Variants in TRIM2 observed in about 807,000 individuals in gnomAD.
The protein encoded by TRIM2 is tripartite motif-containing protein 2.
TRIM2 carries 20 observed loss-of-function variants against 75.2 expected under a neutral mutation model. The ratio of observed to expected loss-of-function variants is 0.27; its 90% CI spans 0.19 to 0.39. TRIM2 has a LOEUF of 0.39. Among genes scored for constraint, TRIM2 ranks in the 10% least tolerant of loss-of-function variants. The pLI is 1.00. For missense variants in TRIM2, 660 were observed against 990.8 expected (o/e 0.67, Z 4.48); for synonymous variants, 373 against 388.3 (o/e 0.96, Z 0.46).
At chr4:153,269,036 C>T (rs1755977822) in intron 1 of TRIM2, among the ~76,000 whole-genome samples, 3 of 152,156 alleles carry the variant, frequency 2.0e-5, no homozygotes. Context: ...AATTTTCACC[C>T]CCATGCATAT....
intron 1 of TRIM2, among the ~76,000 whole-genome samples, chr4:153,253,166 A>G (rs978894968): frequency 5.3e-5 from 8 of 152,148 alleles, no homozygotes; most frequent in Non-Finnish European, 1.2e-4. Flanking sequence ...GCTGAGTTCT[A>G]AAGGAGCGCA....
intron 1 of TRIM2, among the ~76,000 whole-genome samples, chr4:153,236,142 A>G (rs1328214477): frequency 6.6e-6 from 1 of 152,006 alleles, no homozygotes; most frequent in East Asian, 1.9e-4. Context: ...GCCTTCTGCC[A>G]TGATTGTAAG....
rs1452282135 is a variant in TRIM2 at position 153,244,423 on chromosome 4, CTTCTTCTTCTTCTTTTA to C, written c.31-25911_31-25895del. 5.2e-3 allele frequency among the ~76,000 whole-genome samples: 523 copies of C among 100,988 alleles called. 78 individuals carry two copies. The highest frequency in any genetic ancestry group is 0.015 in the African/African-American group (353 of 24,100). The allele number at this position is 100,988 out of a possible 152,430, so 66.3% of individuals were successfully genotyped here. On this transcript the variant is annotated intron_variant, in intron 1 of 11. Coordinates refer to ENST00000338700, the MANE Select transcript of TRIM2 (RefSeq NM_015271.5). Reference sequence around the variant, plus strand: ...TCTTCTTCTTCTTCTTCTTCTTCTTCTTCTTCTTCTTCTTTTAATTAGAGAGGAGGCCTCACTATGTT... The same window carrying C: ...TCTTCTTCTTCTTCTTCTTCTTCTTCATTAGAGAGGAGGCCTCACTATGTT...
chr4:153,324,034 C>T (rs768233020), intron 9 of TRIM2, 44 bp from the exon 10 acceptor site: 2 of 1,515,220 alleles, frequency 1.3e-6, no homozygotes, highest in Admixed American at 1.7e-5. Flanking sequence ...TATGTAATCA[C>T]TTTTGTTGTA....
At chr4:153,184,003 C>T (rs1446411485) in intron 1 of TRIM2, among the ~76,000 whole-genome samples, 1 of 152,134 alleles carries the variant, frequency 6.6e-6, no homozygotes, top group Non-Finnish European at 1.5e-5. Context: ...AAAGGTGAAG[C>T]ATGTAGCACT....
chr4:153,238,105 G>A (rs141216113), intron 1 of TRIM2, among the ~76,000 whole-genome samples: 35 of 152,294 alleles, frequency 2.3e-4, no homozygotes, highest in Non-Finnish European at 4.4e-4. Context: ...GGGCCTTCTT[G>A]TTTATTTGTC....
intron 3 of TRIM2, among the ~76,000 whole-genome samples, chr4:153,288,117 A>G (rs1050176288): frequency 5.3e-5 from 8 of 151,806 alleles, no homozygotes; most frequent in Non-Finnish European, 1.0e-4. Context: ...TCTGGCCTCT[A>G]TAGTTTCTGA....
chr4:153,190,420 A>G (rs1184195556), intron 1 of TRIM2, among the ~76,000 whole-genome samples: 3 of 152,372 alleles, frequency 2.0e-5, no homozygotes, highest in Admixed American at 6.5e-5. Flanking sequence ...AGTGCATTTT[A>G]TGATTTATCT....
intron 1 of TRIM2, among the ~76,000 whole-genome samples, chr4:153,231,120 G>A (rs1288032981): frequency 6.6e-6 from 1 of 152,152 alleles, no homozygotes; most frequent in Non-Finnish European, 1.5e-5. Flanking sequence ...ATGATAAATG[G>A]ATACAAGAAT....
rs1202380417 is a variant in TRIM2 at position 153,337,351 on chromosome 4, A to G, written c.*2385A>G. On this transcript the variant is annotated 3_prime_UTR_variant, in exon 12 of 12. Coordinates refer to ENST00000338700, the MANE Select transcript of TRIM2 (RefSeq NM_015271.5). ...CTAACCAGCCATCATATCATATCCT[A>G]TCAGGCTAGATATCTCAATAGTAGA... The G allele has an allele frequency of 3.0e-6, 3 of 985,726 alleles. No individual in the cohort carries two copies. The highest frequency in any genetic ancestry group is 3.6e-6 in the Non-Finnish European group (3 of 829,934). 61.1% of individuals were successfully genotyped at this position (985,726 alleles called of 1,614,324 possible).
At chr4:153,227,105 T>C (rs7685161) in intron 1 of TRIM2, among the ~76,000 whole-genome samples, 24,276 of 152,142 alleles carry the variant, frequency 0.16, 3,012 homozygotes, top group African/African-American at 0.35. Context: ...GCTCTGGCTG[T>C]GGTAGAACCC....
intron 1 of TRIM2, among the ~76,000 whole-genome samples, chr4:153,221,414 C>G (rs1166100324): frequency 3.3e-5 from 5 of 152,086 alleles, no homozygotes; most frequent in African/African-American, 1.2e-4. Flanking sequence ...GACAACAGAA[C>G]GAGACCCTGT....
At chr4:153,324,899 CT>C (rs1769823949) in intron 10 of TRIM2, among the ~76,000 whole-genome samples, 1 of 152,070 alleles carries the variant, frequency 6.6e-6, no homozygotes, top group African/African-American at 2.4e-5. Context: ...TTAGGGCTAC[CT>C]TTTGTTTACA....
intron 6 of TRIM2, among the ~76,000 whole-genome samples, chr4:153,303,933 AT>A (rs1177226971): frequency 1.5e-4 from 23 of 152,136 alleles, no homozygotes; most frequent in Admixed American, 1.5e-3. Context: ...GGTCATCCTT[AT>A]AAAAGACGAT....
intron 10 of TRIM2, among the ~76,000 whole-genome samples, chr4:153,324,975 A>T (rs1340340453): frequency 6.6e-6 from 1 of 152,236 alleles, no homozygotes; most frequent in Non-Finnish European, 1.5e-5. Context: ...ATTAATCTAA[A>T]TTTTAAAAGG....
intron 1 of TRIM2, among the ~76,000 whole-genome samples, chr4:153,173,148 C>T (rs912901769): frequency 1.3e-5 from 2 of 152,136 alleles, no homozygotes; most frequent in Non-Finnish European, 2.9e-5. Flanking sequence ...CTTGTGCCAT[C>T]GCACACTCAA....
Position 153,281,255 on chromosome 4 carries a change from C to T in TRIM2, c.453+5125C>T, listed in dbSNP as rs143675750. Among the ~76,000 whole-genome samples, 482 of 152,284 alleles carry T rather than the reference C, an allele frequency of 3.2e-3. 2 individuals are homozygous for T. Among genetic ancestry groups the T allele is most frequent in the African/African-American group, 9.6e-3 (397 of 41,564 alleles). On this transcript the variant is annotated intron_variant, in intron 3 of 11. Coordinates refer to ENST00000338700, the MANE Select transcript of TRIM2 (RefSeq NM_015271.5). Reference sequence around the variant, plus strand: ...GGTAAATTGCTCTTCAGAAAGTTTACGTCAATTTGACAAAATATAATGAGT... The same window carrying T: ...GGTAAATTGCTCTTCAGAAAGTTTATGTCAATTTGACAAAATATAATGAGT...
chr4:153,240,693 TTTGC>T (rs1380707466), intron 1 of TRIM2, among the ~76,000 whole-genome samples: 1 of 152,228 alleles, frequency 6.6e-6, no homozygotes, highest in Non-Finnish European at 1.5e-5. Flanking sequence ...ACTTCCAGTA[TTTGC>T]ATGTATCCAA....
At chr4:153,258,450 T>C (rs1752616486) in intron 1 of TRIM2, among the ~76,000 whole-genome samples, 1 of 152,152 alleles carries the variant, frequency 6.6e-6, no homozygotes, top group African/African-American at 2.4e-5. Context: ...GTTTGCTTCC[T>C]GAAACAGTGG....
Sources: gnomAD v4.1 joint callset for allele counts (sites outside exome capture counted in the v4.1 genomes callset) on GRCh38, gnomAD v4.1.1 for gene constraint, MANE v1.5 for transcripts, NCBI Gene and HGNC (gene_info 2026-07-23, HGNC 2026-07-21) for gene names.